Variants in ZDHHC13 observed in about 807,000 individuals in gnomAD.
ZDHHC13 encodes the protein zDHHC palmitoyltransferase 13, also known as palmitoyltransferase ZDHHC13.
ZDHHC13 carries 85 observed loss-of-function variants against 86.0 expected under a neutral mutation model. The observed-to-expected ratio is 0.99, with a 90% CI of 0.83 to 1.18. ZDHHC13 has a LOEUF of 1.18. ZDHHC13 is among the 50% of genes most tolerant of loss of function. The probability of loss-of-function intolerance (pLI) is 0.00; values close to 1 mark genes in which losing one functional copy is unlikely to be tolerated. For missense variants in ZDHHC13, 711 were observed against 730.2 expected, an observed-to-expected ratio of 0.97 and a Z score of 0.30; for synonymous variants, 263 against 246.4, an observed-to-expected ratio of 1.07 and a Z score of -0.63.
intron 1 of ZDHHC13, among the ~76,000 whole-genome samples, chr11:19,129,575 A>G (rs949791008): frequency 2.0e-5 from 3 of 152,142 alleles, no homozygotes; most frequent in Admixed American, 2.0e-4. Context: ...TATTCTGTTA[A>G]TATGAATATT....
Position 19,117,397 on chromosome 11 carries a change from G to A in ZDHHC13, c.27+121G>A, listed in dbSNP as rs1848668114. On this transcript the variant is annotated intron_variant, in intron 1 of 16. Coordinates refer to ENST00000446113, the MANE Select transcript of ZDHHC13 (RefSeq NM_019028.3). This position sits in a 1 kb window ranked among gnomAD's most constrained non-coding sequence, Gnocchi z 4.2. ...GGGTTTCGGGAGCGGCGGGGCCTAG[G>A]TCTGGGAAGCGGGAGCCTGGAAACA... The A allele has an allele frequency of 9.4e-7, 1 of 1,068,070 alleles. No individual in the cohort carries two copies. 66.2% of individuals were successfully genotyped at this position (1,068,070 alleles called of 1,614,324 possible).
At position 19,150,718 on chromosome 11, in the gene ZDHHC13, T is replaced by G; in HGVS notation, c.520-9T>G. ...TTACAGTTATGCTAATTGTCTTCTTTTTGAATAGAGTGTGAATATGACAGA... is the reference window on the plus strand; with the variant it reads ...TTACAGTTATGCTAATTGTCTTCTTGTTGAATAGAGTGTGAATATGACAGA... On this transcript the variant is annotated splice_polypyrimidine_tract_variant and intron_variant, in intron 5 of 16. Transcript: ENST00000446113. 6.3e-7 allele frequency: 1 copy of G among 1,599,816 alleles called. No individual in the cohort carries two copies. Among genetic ancestry groups the G allele is most frequent in the Non-Finnish European group, 8.5e-7 (1 of 1,169,962 alleles).
chr11:19,168,745 C>T (rs1198100998), intron 14 of ZDHHC13: 1 of 946,450 alleles, frequency 1.1e-6, no homozygotes, highest in Non-Finnish European at 1.3e-6. Flanking sequence ...ATTACTAGAG[C>T]CCTGCTCTAT....
At chr11:19,126,740 T>C (rs576089816) in intron 1 of ZDHHC13, among the ~76,000 whole-genome samples, 1 of 152,034 alleles carries the variant, frequency 6.6e-6, no homozygotes, top group Non-Finnish European at 1.5e-5. Context: ...TGTTCCTGCA[T>C]AGGGGTAATA....
Position 19,166,359 on chromosome 11 carries a change from G to T in ZDHHC13, c.1448G>T (p.Gly483Val). The part of the protein sequence containing the change: ...FFLFFLSMVC[G>V]WIIYGSFIYL... ...TTGTTTTTCCTTTCCATGGTATGTG[G>T]CTGGATTATATATGGATCTTTCATC... Residue 483 changes from glycine (G) to valine (V), a missense_variant, in exon 14 of 17, where the codon GGC (glycine) becomes GTC (valine). Physicochemically the swap from Gly to Val is moderately radical, Grantham distance 109 (BLOSUM62 -3). Transcript: ENST00000446113. 1 of 1,612,294 alleles carries T rather than the reference G, an allele frequency of 6.2e-7. No homozygotes were observed. The highest frequency in any genetic ancestry group is 8.5e-7 in the Non-Finnish European group (1 of 1,179,394).
intron 3 of ZDHHC13, among the ~76,000 whole-genome samples, chr11:19,146,715 C>T (rs1590075198): frequency 6.6e-6 from 1 of 152,056 alleles, no homozygotes; most frequent in East Asian, 1.9e-4. Context: ...ATGGAATATA[C>T]TTTTAAGTGG....
chr11:19,164,850 G>A, intron 12 of ZDHHC13: 1 of 558,952 alleles, frequency 1.8e-6, no homozygotes, highest in Non-Finnish European at 3.2e-6. Flanking sequence ...CTGGAATTCA[G>A]ATCCCACTTA....
At chr11:19,158,148 T>TA (rs751452978) in intron 9 of ZDHHC13, among the ~76,000 whole-genome samples, 36 of 152,162 alleles carry the variant, frequency 2.4e-4, no homozygotes, top group Non-Finnish European at 4.9e-4. Context: ...AATATGAACT[T>TA]ACCATTATTA....
In ZDHHC13 at chr11:19,134,951, G is replaced by T. The variant is rs554095384; in HGVS notation, c.28-8027G>T. ...GGAGGCTGAGGCAGGAGGATTGCCT[G>T]AGCCCTGGAATTCGAGGCTGCAGTG... On this transcript the variant is annotated intron_variant, in intron 1 of 16. Transcript: ENST00000446113. 4.6e-5 allele frequency among the ~76,000 whole-genome samples: 7 copies of T among 152,310 alleles called. No individual in the cohort carries two copies. The South Asian group carries it at 1.5e-3, about 32-fold the overall frequency.
At chr11:19,137,648 A>C (rs1565024352) in intron 1 of ZDHHC13, among the ~76,000 whole-genome samples, 2 of 152,210 alleles carry the variant, frequency 1.3e-5, no homozygotes. Flanking sequence ...CTATTCCAAA[A>C]TTGACCACAT....
At chr11:19,135,113 G>A (rs1317060915) in intron 1 of ZDHHC13, among the ~76,000 whole-genome samples, 2 of 152,220 alleles carry the variant, frequency 1.3e-5, no homozygotes, top group Non-Finnish European at 2.9e-5. Flanking sequence ...AGCTCCCAGC[G>A]CGAGCGACGC....
intron 10 of ZDHHC13, among the ~76,000 whole-genome samples, chr11:19,162,016 A>G (rs1849925080): frequency 6.6e-6 from 1 of 152,180 alleles, no homozygotes; most frequent in Non-Finnish European, 1.5e-5. Context: ...AAATGGGAGC[A>G]TGAACAGAGG....
chr11:19,161,434 T>C (rs1849908327), intron 10 of ZDHHC13, among the ~76,000 whole-genome samples: 1 of 151,932 alleles, frequency 6.6e-6, no homozygotes, highest in Non-Finnish European at 1.5e-5. Flanking sequence ...TAAATATACC[T>C]AATATTTTAT....
intron 2 of ZDHHC13, among the ~76,000 whole-genome samples, chr11:19,144,432 A>AGTGTGTGTGTGT (rs142248923): frequency 6.3e-5 from 9 of 143,074 alleles, no homozygotes; most frequent in African/African-American, 1.5e-4. Flanking sequence ...AGAGCTATGG[A>AGTGTGTGTGTGT]GTGTGTGTGT....
intron 1 of ZDHHC13, among the ~76,000 whole-genome samples, chr11:19,121,572 T>C (rs891845398): frequency 2.6e-5 from 4 of 152,242 alleles, no homozygotes; most frequent in African/African-American, 7.2e-5. Context: ...GTTCTTTATA[T>C]TTCCCTGAAT....
chr11:19,155,746 A>G, intron 8 of ZDHHC13, 50 bp from the exon 9 acceptor site: 1 of 1,585,200 alleles, frequency 6.3e-7, no homozygotes, highest in Non-Finnish European at 8.5e-7. Context: ...ATTATTAGAT[A>G]CTTAAGAGGT....
At chr11:19,160,822 T>C (rs1849890150) in intron 10 of ZDHHC13, among the ~76,000 whole-genome samples, 3 of 151,936 alleles carry the variant, frequency 2.0e-5, no homozygotes, top group Non-Finnish European at 4.4e-5. Flanking sequence ...TTTTTTTGTT[T>C]GTTTTTGTTT....
chr11:19,117,186 G>C lies in ZDHHC13; in HGVS notation c.-64G>C. ...TGGGAGAAGAGGCGACCCAAGGCGG[G>C]CTGGCGGGCTGGCGGCAGTCGCTAC... On this transcript the variant is annotated 5_prime_UTR_variant, in exon 1 of 17. Transcript: ENST00000446113. This position sits in a 1 kb window ranked among gnomAD's most constrained non-coding sequence, Gnocchi z 4.2. 6.6e-7 allele frequency: 1 copy of C among 1,519,434 alleles called. No individual in the cohort carries two copies. Among genetic ancestry groups the C allele is most frequent in the Non-Finnish European group, 8.8e-7 (1 of 1,133,104 alleles). 94.1% of individuals were successfully genotyped at this position (1,519,434 alleles called of 1,614,324 possible).
chr11:19,153,038 G>C (rs1041452101), intron 8 of ZDHHC13, among the ~76,000 whole-genome samples: 1 of 152,086 alleles, frequency 6.6e-6, no homozygotes, highest in African/African-American at 2.4e-5. Context: ...TGTAGGAATA[G>C]TTTATTCCTT....
Sources: gnomAD v4.1 joint callset for allele counts (sites outside exome capture counted in the v4.1 genomes callset) on GRCh38, gnomAD v4.1.1 for gene constraint, Gnocchi (gnomAD v3.1) non-coding constraint, MANE v1.5 for transcripts, NCBI Gene and HGNC (gene_info 2026-07-23, HGNC 2026-07-21) for gene names.